The following STON2 variants were observed in gnomAD, a reference collection of about 807,000 sequenced individuals.
STON2 encodes stonin 2, also known as stonin-2.
In STON2, 29 loss-of-function variants were observed where a neutral mutation model predicts 65.7. The observed-to-expected ratio is 0.44, with a 90% CI of 0.33 to 0.60. The LOEUF is 0.60. Ranked by LOEUF, STON2 falls within the 20% of genes least tolerant of loss-of-function variation. The pLI is 0.03. For missense variants in STON2, 1,054 were observed against 1,118.1 expected (o/e 0.94, Z 0.82); for synonymous variants, 404 against 414.2 (o/e 0.98, Z 0.30).
At chr14:81,358,953 T>C (rs545647737) in intron 4 of STON2, among the ~76,000 whole-genome samples, 2 of 152,316 alleles carry the variant, frequency 1.3e-5, no homozygotes, top group African/African-American at 2.4e-5. Flanking sequence ...CGGACTTGAA[T>C]ACTCTATGTT....
At chr14:81,296,188 A>G (rs1595307833) in intron 5 of STON2, among the ~76,000 whole-genome samples, 1 of 152,366 alleles carries the variant, frequency 6.6e-6, no homozygotes, top group East Asian at 1.9e-4. Flanking sequence ...AGGGCAGGAC[A>G]TTAAATGTAT....
intron 7 of STON2, chr14:81,269,595 T>G (rs1336431293): frequency 2.0e-6 from 2 of 985,270 alleles, no homozygotes; most frequent in Admixed American, 6.2e-5. Flanking sequence ...GGTGCTATTT[T>G]TTTCCTAGCC....
intron 3 of STON2, among the ~76,000 whole-genome samples, chr14:81,377,191 T>C (rs1899293504): frequency 6.6e-6 from 1 of 152,218 alleles, no homozygotes; most frequent in Non-Finnish European, 1.5e-5. Flanking sequence ...TTCCTAACCT[T>C]TGACAACCAC....
intron 5 of STON2, among the ~76,000 whole-genome samples, chr14:81,322,357 T>A (rs1283369317): frequency 6.6e-6 from 1 of 152,192 alleles, no homozygotes; most frequent in Non-Finnish European, 1.5e-5. Context: ...ATTTGTTTTT[T>A]AATCATAACT....
In STON2 at chr14:81,339,961, T is replaced by C. The variant is rs149809761; in HGVS notation, c.572-15774A>G. Among the ~76,000 whole-genome samples, 981 of 152,204 alleles carry C rather than the reference T, an allele frequency of 6.4e-3. 8 individuals are homozygous for C. The highest frequency in any genetic ancestry group is 0.022 in the African/African-American group (930 of 41,542). On this transcript the variant is annotated intron_variant, in intron 4 of 7. Transcript: ENST00000614646. ...CGAGGTCAGGAGATCAAGACCATCC[T>C]GGCTAACACGATGAAACCCCATCTC...
chr14:81,424,798 C>A (rs1243521172), intron 2 of STON2, among the ~76,000 whole-genome samples: 1 of 152,200 alleles, frequency 6.6e-6, no homozygotes, highest in East Asian at 1.9e-4. Flanking sequence ...TCCTTACTTT[C>A]TCAATCTGAA....
rs1894442142 is a variant in STON2, at chr14:81,268,432, C to T, written c.2850G>A (p.Lys950=). 7.8e-7 allele frequency: 1 copy of T among 1,289,604 alleles called. No homozygotes were observed. Among genetic ancestry groups the T allele is most frequent in the African/African-American group, 1.5e-5 (1 of 65,968 alleles). The allele number at this position is 1,289,604 out of a possible 1,614,324, so 79.9% of individuals were successfully genotyped here. A position where few individuals can be genotyped will look rare whatever the true frequency, so the allele number is the denominator to read the frequency against. Residue 950 remains lysine (K), a synonymous_variant, in exon 8 of 8, where the codon AAG becomes AAA. Coordinates refer to ENST00000614646, the MANE Select transcript of STON2 (RefSeq NM_001394390.1). ...DFEGDEMENP[K]ECGVQ is the part of the protein sequence containing the mutation. ...GGCTTTGTCACTGCACTCCACACTC[C>T]TTGGGATTTTCCATTTCATCTCCTT... is the stretch of plus-strand genomic sequence containing the variant.
At chr14:81,324,431 A>C (rs1189505227) in intron 4 of STON2, among the ~76,000 whole-genome samples, 1 of 152,280 alleles carries the variant, frequency 6.6e-6, no homozygotes, top group East Asian at 1.9e-4. Flanking sequence ...CTAAGGGCTT[A>C]ATGCAAAGGT....
intron 3 of STON2, among the ~76,000 whole-genome samples, chr14:81,379,209 T>C (rs928483075): frequency 6.6e-6 from 1 of 152,188 alleles, no homozygotes; most frequent in East Asian, 1.9e-4. Flanking sequence ...TAAAAGTGAA[T>C]TGTGTTTCTG....
intron 5 of STON2, among the ~76,000 whole-genome samples, chr14:81,318,905 T>G (rs1233878665): frequency 1.3e-5 from 2 of 152,244 alleles, no homozygotes; most frequent in Admixed American, 6.5e-5. Flanking sequence ...CCTGGCGCTG[T>G]GCTTGGTCAT....
intron 3 of STON2, among the ~76,000 whole-genome samples, chr14:81,375,793 G>A (rs1297089614): frequency 6.6e-6 from 1 of 151,388 alleles, no homozygotes. Context: ...CACTTGACAT[G>A]AAGCAAGCTG....
At position 81,265,201 on chromosome 14, in the gene STON2, C is replaced by CTT; in HGVS notation, c.*3211_*3212dup. 3.0e-6 allele frequency: 3 copies of CTT among 984,750 alleles called. No homozygotes were observed. Among genetic ancestry groups the CTT allele is most frequent in the Non-Finnish European group, 3.6e-6 (3 of 829,420 alleles). 61.0% of individuals were successfully genotyped at this position (984,750 alleles called of 1,614,324 possible). ...TAGCTAATTTGCCCACTTGTATTTT[C>CTT]TTTAGAAGTTATTTAAACCTAGTAA... On this transcript the variant is annotated 3_prime_UTR_variant, in exon 8 of 8. Coordinates refer to ENST00000614646, the MANE Select transcript of STON2 (RefSeq NM_001394390.1).
Position 81,277,406 on chromosome 14 carries a change from G to C in STON2, c.2076C>G (p.Thr692=). Residue 692 remains threonine (T), a synonymous_variant, in exon 6 of 8, where the codon ACC becomes ACG. Coordinates refer to ENST00000614646, the MANE Select transcript of STON2 (RefSeq NM_001394390.1). The part of the protein sequence containing the change: ...IVLRQDIMPT[T]TTKWIKLHEC... ...CATGGAGCTTGATCCACTTTGTGGT[G>C]GTGGTGGGCATGATGTCCTGCCTCA... 6.2e-7 allele frequency: 1 copy of C among 1,614,184 alleles called. No individual in the cohort carries two copies. Among genetic ancestry groups the C allele is most frequent in the Non-Finnish European group, 8.5e-7 (1 of 1,180,036 alleles).
intron 2 of STON2, among the ~76,000 whole-genome samples, chr14:81,410,600 C>T (rs150116778): frequency 2.6e-5 from 4 of 152,268 alleles, no homozygotes; most frequent in African/African-American, 9.6e-5. Context: ...CACTGGCCAA[C>T]CCTTGATTTC....
intron 3 of STON2, among the ~76,000 whole-genome samples, chr14:81,387,385 T>C (rs1899864533): frequency 6.6e-6 from 1 of 152,168 alleles, no homozygotes; most frequent in African/African-American, 2.4e-5. Context: ...TCTAAAGAGC[T>C]CACTTATCAA....
intron 4 of STON2, among the ~76,000 whole-genome samples, chr14:81,366,819 G>T (rs992248793): frequency 8.0e-6 from 1 of 124,774 alleles, no homozygotes; most frequent in African/African-American, 3.4e-5. Flanking sequence ...GAGGCAGAGA[G>T]ATATTAAATT....
chr14:81,282,237 T>C (rs963806777), intron 5 of STON2, among the ~76,000 whole-genome samples: 2 of 152,228 alleles, frequency 1.3e-5, no homozygotes, highest in Admixed American at 6.5e-5. Flanking sequence ...TGAAATTCCA[T>C]GTAGCTGTCA....
chr14:81,428,722 CA>C (rs1392906782), intron 1 of STON2, among the ~76,000 whole-genome samples: 2 of 149,372 alleles, frequency 1.3e-5, no homozygotes, highest in East Asian at 3.9e-4. Context: ...TACTCTGTCT[CA>C]AAAAAAAACA....
chr14:81,267,776 A>G lies in STON2; in HGVS notation c.*638T>C. ...TCCATTGTCTATTGTGACTCAGGAT[A>G]GCAAATCCTGTGACTGAAACCTTAG... On this transcript the variant is annotated 3_prime_UTR_variant, in exon 8 of 8. Transcript: ENST00000614646. 1.0e-6 allele frequency: 1 copy of G among 985,398 alleles called. No individual in the cohort carries two copies. Among genetic ancestry groups the G allele is most frequent in the African/African-American group, 1.7e-5 (1 of 57,362 alleles). The allele number at this position is 985,398 out of a possible 1,614,324, so 61.0% of individuals were successfully genotyped here.
Sources: gnomAD v4.1 joint callset for allele counts (sites outside exome capture counted in the v4.1 genomes callset) on GRCh38, gnomAD v4.1.1 for gene constraint, MANE v1.5 for transcripts, NCBI Gene and HGNC (gene_info 2026-07-23, HGNC 2026-07-21) for gene names.